The following PLCB4 variants were observed in gnomAD, a reference collection of about 807,000 sequenced individuals.
PLCB4 encodes phospholipase C beta 4.
Under a neutral mutation model 178.8 loss-of-function variants are expected in PLCB4, and 77 were observed. The observed-to-expected ratio is 0.43, with a 90% CI of 0.36 to 0.52. The LOEUF (loss-of-function observed/expected upper bound fraction) is 0.52. Among genes scored for constraint, PLCB4 ranks in the 20% least tolerant of loss-of-function variants. The pLI is 0.00. For missense variants in PLCB4, 1,024 were observed against 1,453.4 expected (o/e 0.70, Z 4.80); for synonymous variants, 496 against 490.8 (o/e 1.01, Z -0.14).
At chr20:9,299,409 A>G (rs898790202) in intron 3 of PLCB4, among the ~76,000 whole-genome samples, 44 of 152,040 alleles carry the variant, frequency 2.9e-4, no homozygotes, top group African/African-American at 9.7e-4. Flanking sequence ...TGTAACTACT[A>G]TTTGTTTTGG....
intron 2 of PLCB4, among the ~76,000 whole-genome samples, chr20:9,194,034 C>G (rs1223159599): frequency 1.3e-5 from 2 of 151,850 alleles, no homozygotes; most frequent in Non-Finnish European, 2.9e-5. Context: ...AGCTATCACT[C>G]TTTTTATACA....
intron 38 of PLCB4, among the ~76,000 whole-genome samples, chr20:9,474,756 A>G (rs2044431690): frequency 6.6e-6 from 1 of 152,220 alleles, no homozygotes; most frequent in Non-Finnish European, 1.5e-5. Flanking sequence ...CTAGTTTCAG[A>G]TTCTTTACTT....
chr20:9,312,226 C>T (rs760295818), intron 4 of PLCB4, among the ~76,000 whole-genome samples: 6 of 151,998 alleles, frequency 3.9e-5, no homozygotes, highest in African/African-American at 4.8e-5. Context: ...AATCCCAGCT[C>T]GGGCTACCCC....
At chr20:9,273,814 T>G (rs1449637285) in intron 3 of PLCB4, among the ~76,000 whole-genome samples, 1 of 151,944 alleles carries the variant, frequency 6.6e-6, no homozygotes, top group Non-Finnish European at 1.5e-5. Context: ...TCTTGTGTAT[T>G]GTTGTGAGCC....
chr20:9,209,576 G>T (rs1361482476), intron 2 of PLCB4, among the ~76,000 whole-genome samples: 1 of 152,184 alleles, frequency 6.6e-6, no homozygotes, highest in Non-Finnish European at 1.5e-5. Context: ...GATTCTCCAT[G>T]ACTGGCTTTG....
intron 7 of PLCB4, among the ~76,000 whole-genome samples, chr20:9,349,224 C>T (rs1291924461): frequency 6.6e-6 from 1 of 152,110 alleles, no homozygotes; most frequent in Non-Finnish European, 1.5e-5. Context: ...GCAAGCACCA[C>T]TTCTACCTAC....
chr20:9,149,491 C>G (rs2092655014), intron 2 of PLCB4, among the ~76,000 whole-genome samples: 1 of 152,184 alleles, frequency 6.6e-6, no homozygotes, highest in Non-Finnish European at 1.5e-5. Flanking sequence ...AATTTGCCTT[C>G]TCTTGCAACC....
chr20:9,075,607 TG>T (rs1172102856), intron 1 of PLCB4, among the ~76,000 whole-genome samples: 1 of 152,364 alleles, frequency 6.6e-6, no homozygotes, highest in Admixed American at 6.5e-5. Flanking sequence ...GGCCCAAGTG[TG>T]GCTGACCAGG....
chr20:9,446,254 T>C (rs2042406983), intron 32 of PLCB4, among the ~76,000 whole-genome samples: 1 of 152,194 alleles, frequency 6.6e-6, no homozygotes, highest in Non-Finnish European at 1.5e-5. Flanking sequence ...TGAACCAAAA[T>C]CAAGAGTCCA....
At chr20:9,101,630 T>C (rs1459526186) in intron 2 of PLCB4, among the ~76,000 whole-genome samples, 3 of 152,202 alleles carry the variant, frequency 2.0e-5, no homozygotes, top group African/African-American at 7.2e-5. Flanking sequence ...TTATTTCTTT[T>C]TATCAGGTAT....
intron 2 of PLCB4, among the ~76,000 whole-genome samples, chr20:9,152,230 T>C (rs2092703524): frequency 6.6e-6 from 1 of 152,164 alleles, no homozygotes; most frequent in Non-Finnish European, 1.5e-5. Flanking sequence ...TCAAGCTGGC[T>C]ACAGAAATTT....
At chr20:9,310,925 G>A (rs2094826027) in intron 4 of PLCB4, among the ~76,000 whole-genome samples, 1 of 152,198 alleles carries the variant, frequency 6.6e-6, no homozygotes, top group Non-Finnish European at 1.5e-5. Flanking sequence ...GGCTGTGATT[G>A]TATTGCCATG....
At chr20:9,412,561 G>A (rs1021197788) in intron 25 of PLCB4, among the ~76,000 whole-genome samples, 2 of 152,140 alleles carry the variant, frequency 1.3e-5, no homozygotes, top group African/African-American at 4.8e-5. Context: ...GACAAAAACC[G>A]AGTCCTTTCT....
chr20:9,200,532 T>A (rs1230283465), intron 2 of PLCB4, among the ~76,000 whole-genome samples: 1 of 152,238 alleles, frequency 6.6e-6, no homozygotes, highest in Non-Finnish European at 1.5e-5. Context: ...CTCAGAATGT[T>A]CTGATTGCTT....
Position 9,293,386 on chromosome 20 carries a change from AAAGGG to A in PLCB4, c.-15-14409_-15-14405del, listed in dbSNP as rs1160439430. Among the ~76,000 whole-genome samples the A allele has an allele frequency of 4.9e-3, 721 of 146,182 alleles. 7 individuals carry two copies. The highest frequency in any genetic ancestry group is 0.018 in the African/African-American group (693 of 39,034). ...AGGAAGGAAGGAAGGAAAGGGAAGG[AAAGGG>A]AAGGAAAGGAAAGGGAAGGGAAGGG... On this transcript the variant is annotated intron_variant, in intron 3 of 39. Transcript: ENST00000378473.
intron 34 of PLCB4, 141 bp downstream of exon 34, chr20:9,457,630 A>G: frequency 4.8e-6 from 3 of 625,464 alleles, no homozygotes; most frequent in Admixed American, 5.9e-5. Context: ...ATGTCAGGGG[A>G]GCCCAGGGTT....
At chr20:9,081,737 G>A (rs1405458622) in intron 1 of PLCB4, among the ~76,000 whole-genome samples, 3 of 109,464 alleles carry the variant, frequency 2.7e-5, no homozygotes, top group African/African-American at 1.0e-4. Flanking sequence ...CTGCAGATTG[G>A]GTAAATTAGG....
chr20:9,248,955 C>G (rs766306356), intron 3 of PLCB4, among the ~76,000 whole-genome samples: 2 of 152,168 alleles, frequency 1.3e-5, no homozygotes, highest in Non-Finnish European at 2.9e-5. Flanking sequence ...TCTGGGGGCT[C>G]CTGAGGGGGA....
At chr20:9,286,773 A>G (rs1293248034) in intron 3 of PLCB4, among the ~76,000 whole-genome samples, 3 of 152,058 alleles carry the variant, frequency 2.0e-5, no homozygotes, top group Non-Finnish European at 4.4e-5. Context: ...CTAATGAACG[A>G]AAGAGTCCTG....
Sources: allele counts gnomAD v4.1 joint callset (sites outside exome capture counted in the v4.1 genomes callset), GRCh38; gene constraint gnomAD v4.1.1; transcripts MANE v1.5; gene names NCBI Gene and HGNC (gene_info 2026-07-23, HGNC 2026-07-21).